Variants in CHST3 observed in about 807,000 individuals in gnomAD.
CHST3 encodes C6ST-1.
Under a neutral mutation model 35.4 loss-of-function variants are expected in CHST3, and 20 were observed. That is an observed-to-expected ratio of 0.57 (90% CI 0.40 to 0.82). The LOEUF (loss-of-function observed/expected upper bound fraction) is 0.82, where lower values mean the gene tolerates loss of function less well. Among genes scored for constraint, CHST3 ranks in the 40% least tolerant of loss-of-function variants. The probability of loss-of-function intolerance (pLI) is 0.00; values close to 1 mark genes in which losing one functional copy is unlikely to be tolerated. For missense variants in CHST3, 693 were observed against 670.1 expected, an observed-to-expected ratio of 1.03 and a Z score of -0.38; for synonymous variants, 334 against 295.9, an observed-to-expected ratio of 1.13 and a Z score of -1.32.
At chr10:71,972,506 G>A (rs1329289186) in intron 1 of CHST3, among the ~76,000 whole-genome samples, 1 of 152,130 alleles carries the variant, frequency 6.6e-6, no homozygotes, top group Admixed American at 6.5e-5. Context: ...TCTTTTGCCC[G>A]CTCTGCTGAT....
intron 1 of CHST3, among the ~76,000 whole-genome samples, chr10:71,976,690 A>G (rs1225532489): frequency 6.6e-6 from 1 of 152,022 alleles, no homozygotes; most frequent in Non-Finnish European, 1.5e-5. Flanking sequence ...TGGAGGGGCC[A>G]TTTTTCTTCC....
intron 1 of CHST3, among the ~76,000 whole-genome samples, chr10:72,001,091 G>C (rs1839988500): frequency 6.6e-6 from 1 of 152,176 alleles, no homozygotes; most frequent in African/African-American, 2.4e-5. Context: ...AGTGATTTGA[G>C]AACTGTATCG....
chr10:71,966,083 T>C (rs1839629612), intron 1 of CHST3, among the ~76,000 whole-genome samples: 1 of 152,048 alleles, frequency 6.6e-6, no homozygotes, highest in Non-Finnish European at 1.5e-5. Flanking sequence ...GTTGGTTCCA[T>C]CAACCCTCCC....
chr10:71,973,241 G>A (rs1417657829), intron 1 of CHST3, among the ~76,000 whole-genome samples: 1 of 152,168 alleles, frequency 6.6e-6, no homozygotes, highest in Non-Finnish European at 1.5e-5. Context: ...ATTACCCCAT[G>A]GGTATTGGGC....
chr10:72,006,544 C>G (rs1300676242), intron 2 of CHST3, among the ~76,000 whole-genome samples: 1 of 152,234 alleles, frequency 6.6e-6, no homozygotes, highest in Non-Finnish European at 1.5e-5. Flanking sequence ...GTGTACTGCT[C>G]AACTCCAGGG....
chr10:72,000,800 G>C (rs1839985394), intron 1 of CHST3, among the ~76,000 whole-genome samples: 1 of 152,096 alleles, frequency 6.6e-6, no homozygotes, highest in African/African-American at 2.4e-5. Context: ...GTGTTCCCCT[G>C]TCTGGGTGGC....
chr10:71,981,146 G>A (rs1190342652), intron 1 of CHST3, among the ~76,000 whole-genome samples: 1 of 152,240 alleles, frequency 6.6e-6, no homozygotes, highest in Non-Finnish European at 1.5e-5. Context: ...GGCTGTCCCC[G>A]CTGGCTCTGG....
At chr10:71,993,685 G>A (rs1233416305) in intron 1 of CHST3, among the ~76,000 whole-genome samples, 2 of 152,354 alleles carry the variant, frequency 1.3e-5, no homozygotes, top group South Asian at 2.1e-4. Flanking sequence ...GGTCAGATAT[G>A]GTGGTTCACG....
intron 1 of CHST3, among the ~76,000 whole-genome samples, chr10:71,982,507 C>G (rs1430786773): frequency 6.6e-6 from 1 of 152,182 alleles, no homozygotes; most frequent in Non-Finnish European, 1.5e-5. Flanking sequence ...AATTACAGCA[C>G]TTTGGGAGGC....
chr10:71,993,233 T>C (rs1839913792), intron 1 of CHST3, among the ~76,000 whole-genome samples: 1 of 152,214 alleles, frequency 6.6e-6, no homozygotes, highest in African/African-American at 2.4e-5. Context: ...ATTCACAGCA[T>C]CTTCACCAGG....
At chr10:71,976,117 G>T (rs1235865043) in intron 1 of CHST3, among the ~76,000 whole-genome samples, 1 of 152,206 alleles carries the variant, frequency 6.6e-6, no homozygotes, top group African/African-American at 2.4e-5. Context: ...TGCAGTCACT[G>T]GCTCTTTGTG....
At chr10:71,981,029 C>A (rs552831787) in intron 1 of CHST3, among the ~76,000 whole-genome samples, 2 of 152,094 alleles carry the variant, frequency 1.3e-5, no homozygotes, top group Non-Finnish European at 2.9e-5. Context: ...TTTCTGAAAA[C>A]ACTGTTCTTC....
chr10:71,987,093 G>A (rs1486119052), intron 1 of CHST3, among the ~76,000 whole-genome samples: 1 of 152,194 alleles, frequency 6.6e-6, no homozygotes, highest in Admixed American at 6.5e-5. Flanking sequence ...TCCACTGGCA[G>A]ACCGAGTGTA....
chr10:71,973,743 C>A (rs951749016), intron 1 of CHST3, among the ~76,000 whole-genome samples: 8 of 152,314 alleles, frequency 5.3e-5, no homozygotes, highest in Middle Eastern at 3.4e-3. Flanking sequence ...GATGAGCCCA[C>A]AGAGGTGGAC....
intron 1 of CHST3, among the ~76,000 whole-genome samples, chr10:71,998,445 T>G (rs892663392): frequency 6.6e-6 from 1 of 152,234 alleles, no homozygotes; most frequent in Non-Finnish European, 1.5e-5. Flanking sequence ...CAGCCACAGC[T>G]CCTGACCAGG....
chr10:71,978,699 G>T (rs368887338), intron 1 of CHST3, among the ~76,000 whole-genome samples: 16 of 152,348 alleles, frequency 1.1e-4, no homozygotes, highest in African/African-American at 3.8e-4. Context: ...ACAGGAGCCT[G>T]CCTGGTAAGC....
intron 1 of CHST3, among the ~76,000 whole-genome samples, chr10:71,984,230 C>G (rs961150332): frequency 2.0e-5 from 3 of 152,234 alleles, no homozygotes; most frequent in Admixed American, 1.3e-4. Context: ...ATCATGTTGT[C>G]CAGGCTGGGT....
chr10:71,983,080 G>C (rs1011393643), intron 1 of CHST3, among the ~76,000 whole-genome samples: 2 of 152,266 alleles, frequency 1.3e-5, no homozygotes, highest in Admixed American at 6.5e-5. Flanking sequence ...GAGGCCCCAG[G>C]AAGGGGAGGG....
At chr10:71,968,037 C>G (rs1331989983) in intron 1 of CHST3, among the ~76,000 whole-genome samples, 5 of 148,628 alleles carry the variant, frequency 3.4e-5, no homozygotes, top group Admixed American at 6.9e-5. Flanking sequence ...AGAATGGTCT[C>G]GATCTCCTGA....
Sources: allele counts gnomAD v4.1 joint callset (sites outside exome capture counted in the v4.1 genomes callset), GRCh38; gene constraint gnomAD v4.1.1; transcripts MANE v1.5; gene names NCBI Gene and HGNC (gene_info 2026-07-23, HGNC 2026-07-21).